Variants in COBLL1 observed in about 807,000 individuals in gnomAD.
The protein encoded by COBLL1 is cordon-bleu WH2 repeat protein like 1.
COBLL1 carries 50 observed loss-of-function variants against 94.8 expected under a neutral mutation model. That is an observed-to-expected ratio of 0.53 (90% CI 0.42 to 0.67). The LOEUF (loss-of-function observed/expected upper bound fraction) is 0.67, where lower values mean the gene tolerates loss of function less well. Among genes scored for constraint, COBLL1 ranks in the 30% least tolerant of loss-of-function variants. COBLL1 has a pLI of 0.00. For missense variants in COBLL1, 1,362 were observed against 1,348.7 expected (o/e 1.01, Z -0.15); for synonymous variants, 448 against 473.8 (o/e 0.95, Z 0.71).
At chr2:164,730,341 A>AAC (rs1297571597) in intron 3 of COBLL1, among the ~76,000 whole-genome samples, 1 of 151,444 alleles carries the variant, frequency 6.6e-6, no homozygotes, top group Non-Finnish European at 1.5e-5. Flanking sequence ...AATAAAAAAA[A>AAC]AAAACAATAG....
At chr2:164,840,390 T>G (rs1683532857) in intron 2 of COBLL1, among the ~76,000 whole-genome samples, 1 of 152,092 alleles carries the variant, frequency 6.6e-6, no homozygotes, top group Admixed American at 6.5e-5. Flanking sequence ...AAGGTTATTT[T>G]CAGGTTTTCT....
intron 5 of COBLL1, chr2:164,727,018 G>A: frequency 1.6e-6 from 1 of 618,722 alleles, no homozygotes; most frequent in Non-Finnish European, 2.7e-6. Context: ...ACACGTTAGT[G>A]ATGTTAAGAA....
intron 9 of COBLL1, among the ~76,000 whole-genome samples, chr2:164,702,558 C>CAAAAAAAAAAA (rs56011410): frequency 2.4e-5 from 2 of 82,130 alleles, no homozygotes; most frequent in African/African-American, 4.4e-5. Flanking sequence ...TGAGACTCCT[C>CAAAAAAAAAAA]AAAAAAAAAA....
At chr2:164,745,840 G>T (rs976231948) in intron 2 of COBLL1, among the ~76,000 whole-genome samples, 1 of 152,142 alleles carries the variant, frequency 6.6e-6, no homozygotes, top group Admixed American at 6.6e-5. Flanking sequence ...AAATGGTTTG[G>T]TAAAATTGCA....
At chr2:164,800,479 T>G in intron 2 of COBLL1, 1 of 681,694 alleles carries the variant, frequency 1.5e-6, no homozygotes, top group East Asian at 2.7e-5. Context: ...GAATGCAAAA[T>G]GGTACAACTA....
chr2:164,684,558 C>A lies in COBLL1; in HGVS notation c.*1388G>T, dbSNP rs1429169030. On this transcript the variant is annotated 3_prime_UTR_variant, in exon 14 of 14. Transcript: ENST00000652658. ...CATTTAAGATGGCCATGCCATGTAT[C>A]AGGAACTATGCTAAACATTTTAAAT... 6.6e-6 allele frequency: 1 copy of A among 152,076 alleles called. No individual in the cohort carries two copies. The highest frequency in any genetic ancestry group is 6.6e-5 in the Admixed American group (1 of 15,250). 9.4% of individuals were successfully genotyped at this position (152,076 alleles called of 1,614,324 possible).
chr2:164,658,749 T>G (rs1691021295), intron 2 of COBLL1, among the ~76,000 whole-genome samples: 1 of 152,220 alleles, frequency 6.6e-6, no homozygotes, highest in African/African-American at 2.4e-5. Context: ...TTTTCCTTCT[T>G]TGGTGGCTAG....
Position 164,682,675 on chromosome 2 carries a change from G to A in COBLL1, c.*3271C>T, listed in dbSNP as rs1245166518. On this transcript the variant is annotated 3_prime_UTR_variant, in exon 14 of 14. Transcript: ENST00000652658. ...TGTTCACTTATAGTATTGACATCAG[G>A]TAACTTTAAAAGATGAATTGCCTGC... is the stretch of plus-strand genomic sequence containing the variant. 6.6e-6 allele frequency: 1 copy of A among 152,046 alleles called. No individual in the cohort carries two copies. Among genetic ancestry groups the A allele is most frequent in the East Asian group, 1.9e-4 (1 of 5,190 alleles). 9.4% of individuals were successfully genotyped at this position (152,046 alleles called of 1,614,324 possible). A position where few individuals can be genotyped will look rare whatever the true frequency, so the allele number is the denominator to read the frequency against.
chr2:164,657,932 A>G (rs1181392997), intron 2 of COBLL1, among the ~76,000 whole-genome samples: 1 of 151,472 alleles, frequency 6.6e-6, no homozygotes, highest in Non-Finnish European at 1.5e-5. Context: ...GATTTGATAG[A>G]GTGAAGTAGA....
intron 3 of COBLL1, 151 bp downstream of exon 3, chr2:164,743,536 C>T (rs1019262036): frequency 3.2e-6 from 2 of 630,894 alleles, no homozygotes; most frequent in Admixed American, 3.1e-5. Flanking sequence ...TTTTTAACAC[C>T]ATTTTAGCAG....
At chr2:164,692,199 C>T (rs1232917992) in intron 13 of COBLL1, 22 bp downstream of exon 13, 1 of 1,560,926 alleles carries the variant, frequency 6.4e-7, no homozygotes, top group Non-Finnish European at 8.6e-7. Flanking sequence ...CCACTGTCAC[C>T]CATCTGATAA....
intron 2 of COBLL1, among the ~76,000 whole-genome samples, chr2:164,800,118 CAATT>C (rs1391776800): frequency 3.3e-5 from 5 of 152,004 alleles, no homozygotes; most frequent in African/African-American, 9.7e-5. Context: ...TAAAAATACA[CAATT>C]AAGAGAATAA....
At chr2:164,672,414 G>A (rs1691255014) in intron 1 of COBLL1, among the ~76,000 whole-genome samples, 1 of 151,594 alleles carries the variant, frequency 6.6e-6, no homozygotes, top group Non-Finnish European at 1.5e-5. Context: ...AAATGACTTT[G>A]TAGGCCGGGC....
chr2:164,692,300 T>C lies in COBLL1; in HGVS notation c.3221A>G (p.Gln1074Arg). Residue 1074 changes from glutamine to arginine, a missense_variant, in exon 13 of 14, where the codon CAA becomes CGA. Coordinates refer to ENST00000652658, the MANE Select transcript of COBLL1 (RefSeq NM_001365672.2). ...TCGCATCTGTTCTGGGTCAGAGCTTTGGAATGTTAAAGAACTTTGTCTCAT... is the reference window on the plus strand; with the variant it reads ...TCGCATCTGTTCTGGGTCAGAGCTTCGGAATGTTAAAGAACTTTGTCTCAT... ...TVMRQSSLTFQSSDPEQMRQS... is the reference protein window; with the variant it reads ...TVMRQSSLTFRSSDPEQMRQS... 1 of 1,613,674 alleles carries C rather than the reference T, an allele frequency of 6.2e-7. No individual in the cohort carries two copies. The highest frequency in any genetic ancestry group is 8.5e-7 in the Non-Finnish European group (1 of 1,179,706).
Position 164,743,748 on chromosome 2 carries a change from C to T in COBLL1, c.169G>A (p.Asp57Asn). The T allele has an allele frequency of 6.2e-7, 1 of 1,613,598 alleles. No homozygotes were observed. Among genetic ancestry groups the T allele is most frequent in the South Asian group, 1.1e-5 (1 of 91,070 alleles). Residue 57 changes from aspartate to asparagine, a missense_variant, in exon 3 of 14, where the codon GAC (aspartate) becomes AAC (asparagine). Asp to Asn is a conservative substitution (Grantham distance 23). Transcript: ENST00000652658. Reference sequence around the variant, plus strand: ...GGTAGGACCACTGAGAGTTCAACGTCTTTATCTATCATGTTTTCTTTCTGT... The same window carrying T: ...GGTAGGACCACTGAGAGTTCAACGTTTTTATCTATCATGTTTTCTTTCTGT... ...MEQKENMIDK[D>N]VELSVVLPGD...
chr2:164,726,585 T>C (rs1483857181), intron 5 of COBLL1, among the ~76,000 whole-genome samples: 1 of 152,136 alleles, frequency 6.6e-6, no homozygotes, highest in African/African-American at 2.4e-5. Flanking sequence ...GTATTTCCTT[T>C]CAGCAATTTC....
chr2:164,841,434 G>C lies in COBLL1; in HGVS notation c.-50-188C>G. 1 of 1,154,502 alleles carries C rather than the reference G, an allele frequency of 8.7e-7. No homozygotes were observed. Among genetic ancestry groups the C allele is most frequent in the Non-Finnish European group, 1.1e-6 (1 of 938,980 alleles). 71.5% of individuals were successfully genotyped at this position (1,154,502 alleles called of 1,614,324 possible). A position where few individuals can be genotyped will look rare whatever the true frequency, so the allele number is the denominator to read the frequency against. On this transcript the variant is annotated intron_variant, in intron 1 of 13. Coordinates refer to ENST00000652658, the MANE Select transcript of COBLL1 (RefSeq NM_001365672.2). The surrounding 1 kb of genome is among the most constrained non-coding windows in gnomAD (Gnocchi z 5.5). Reference sequence around the variant, plus strand: ...GCCGCCGCCGTCTCTACAAGGTCTAGCGGGCGCCCAGAGCACGGCGGAGGA... The same window carrying C: ...GCCGCCGCCGTCTCTACAAGGTCTACCGGGCGCCCAGAGCACGGCGGAGGA...
chr2:164,793,426 T>C (rs1683291061), intron 2 of COBLL1, among the ~76,000 whole-genome samples: 1 of 152,206 alleles, frequency 6.6e-6, no homozygotes, highest in Admixed American at 6.5e-5. Context: ...TTTAATTCTT[T>C]AACAAAACTT....
chr2:164,818,539 A>ATAG (rs55980136), intron 2 of COBLL1, among the ~76,000 whole-genome samples: 1 of 148,450 alleles, frequency 6.7e-6, no homozygotes, highest in Non-Finnish European at 1.5e-5. Context: ...ATACATATTT[A>ATAG]CATATATGTG....
Sources: gnomAD v4.1 joint callset for allele counts (sites outside exome capture counted in the v4.1 genomes callset) on GRCh38, gnomAD v4.1.1 for gene constraint, Gnocchi (gnomAD v3.1) non-coding constraint, MANE v1.5 for transcripts, NCBI Gene and HGNC (gene_info 2026-07-23, HGNC 2026-07-21) for gene names.